Variants in SMOC2 observed in about 807,000 individuals in gnomAD.
SMOC2 encodes the protein SPARC-related modular calcium-binding protein 2.
Under a neutral mutation model 61.4 loss-of-function variants are expected in SMOC2, and 39 were observed. The observed-to-expected ratio is 0.64, with a 90% CI of 0.49 to 0.83. The LOEUF (loss-of-function observed/expected upper bound fraction) is 0.83. SMOC2 is among the 40% of genes least tolerant of loss of function. The pLI is 0.00. For synonymous variants in SMOC2, 247 were observed against 239.9 expected (o/e 1.03, Z -0.27); for missense variants, 556 against 592.9 (o/e 0.94, Z 0.65).
intron 8 of SMOC2, among the ~76,000 whole-genome samples, chr6:168,607,322 C>A (rs994178746): frequency 1.3e-5 from 2 of 152,136 alleles, no homozygotes; most frequent in African/African-American, 4.8e-5. Flanking sequence ...AGGATAAAAC[C>A]CAGGCAAAGC....
At chr6:168,601,580 GTATC>G (rs1343196818) in intron 8 of SMOC2, among the ~76,000 whole-genome samples, 2 of 152,176 alleles carry the variant, frequency 1.3e-5, no homozygotes, top group Non-Finnish European at 2.9e-5. Context: ...ATGTTTCTGC[GTATC>G]TTAGAGCTCT....
chr6:168,639,954 G>C (rs928373508), intron 9 of SMOC2, among the ~76,000 whole-genome samples: 1 of 152,084 alleles, frequency 6.6e-6, no homozygotes, highest in Non-Finnish European at 1.5e-5. Flanking sequence ...GAGGAGCTAC[G>C]GGTGTGGGCT....
chr6:168,607,678 T>C (rs760640406), intron 8 of SMOC2, among the ~76,000 whole-genome samples: 1 of 146,884 alleles, frequency 6.8e-6, no homozygotes, highest in Non-Finnish European at 1.5e-5. Flanking sequence ...ATCTAAATCC[T>C]GAAGTCCTTT....
intron 9 of SMOC2, among the ~76,000 whole-genome samples, chr6:168,641,867 T>C (rs1397242813): frequency 6.6e-6 from 1 of 152,202 alleles, no homozygotes; most frequent in African/African-American, 2.4e-5. Context: ...CAAAGCACTA[T>C]CTAAAGCCTA....
intron 7 of SMOC2, among the ~76,000 whole-genome samples, chr6:168,560,010 A>C (rs946106545): frequency 6.6e-6 from 1 of 152,250 alleles, no homozygotes. Context: ...TTCATTCCCC[A>C]GGAATGGTGT....
At chr6:168,588,313 A>G (rs1002934794) in intron 7 of SMOC2, among the ~76,000 whole-genome samples, 2 of 151,886 alleles carry the variant, frequency 1.3e-5, no homozygotes, top group Admixed American at 6.6e-5. Flanking sequence ...TAGTAGAGAC[A>G]GGGTTTCACC....
At chr6:168,568,118 C>G (rs1268276241) in intron 7 of SMOC2, among the ~76,000 whole-genome samples, 2 of 150,292 alleles carry the variant, frequency 1.3e-5, no homozygotes, top group African/African-American at 5.0e-5. Context: ...TTCAGATGAG[C>G]AGCTACAGGC....
At chr6:168,463,165 C>T (rs141179754) in intron 1 of SMOC2, among the ~76,000 whole-genome samples, 1 of 152,288 alleles carries the variant, frequency 6.6e-6, no homozygotes, top group East Asian at 1.9e-4. Context: ...TTCAAATGCA[C>T]TGAACAAAAT....
chr6:168,518,384 CATGTGT>C lies in SMOC2; in HGVS notation c.257-7961_257-7956del, dbSNP rs548291311. The stretch of plus-strand genomic sequence containing the variant: ...AATGTGTGTTCATGTGCATTGTGTG[CATGTGT>C]GATTGTGTATGCTTGTGTGTGAATG... On this transcript the variant is annotated intron_variant, in intron 2 of 12. Transcript: ENST00000356284. Among the ~76,000 whole-genome samples, 266 of 149,348 alleles carry C rather than the reference CATGTGT, an allele frequency of 1.8e-3. 2 individuals are homozygous for C. The highest frequency in any genetic ancestry group is 6.4e-3 in the African/African-American group (256 of 39,844).
At chr6:168,632,479 C>G (rs1786595092) in intron 9 of SMOC2, among the ~76,000 whole-genome samples, 1 of 152,194 alleles carries the variant, frequency 6.6e-6, no homozygotes, top group African/African-American at 2.4e-5. Flanking sequence ...ATCTAAGCAT[C>G]TGTTTTTTAC....
chr6:168,581,445 A>C (rs1784915513), intron 7 of SMOC2, among the ~76,000 whole-genome samples: 1 of 152,208 alleles, frequency 6.6e-6, no homozygotes, highest in Non-Finnish European at 1.5e-5. Context: ...AGGGACCTGC[A>C]GCCAAGCACC....
chr6:168,647,795 A>G (rs1787079928), intron 9 of SMOC2, among the ~76,000 whole-genome samples: 1 of 151,884 alleles, frequency 6.6e-6, no homozygotes, highest in African/African-American at 2.4e-5. Context: ...TTTTTTCTTC[A>G]GAAGTAGTTT....
intron 8 of SMOC2, 74 bp downstream of exon 8, chr6:168,599,078 C>A (rs567274370): frequency 7.4e-7 from 1 of 1,350,250 alleles, no homozygotes; most frequent in Admixed American, 2.2e-5. Flanking sequence ...AGCAGAACCC[C>A]CACTTCCCCC....
chr6:168,577,695 AG>A (rs1470609314), intron 7 of SMOC2, among the ~76,000 whole-genome samples: 1 of 152,138 alleles, frequency 6.6e-6, no homozygotes, highest in Non-Finnish European at 1.5e-5. Context: ...CATCTGCATG[AG>A]GGTCACGCAC....
intron 9 of SMOC2, among the ~76,000 whole-genome samples, chr6:168,613,086 C>T (rs1185318438): frequency 3.9e-5 from 6 of 152,134 alleles, no homozygotes; most frequent in African/African-American, 1.4e-4. Context: ...TTCCTCTGGG[C>T]GTTGCTTCAT....
intron 7 of SMOC2, among the ~76,000 whole-genome samples, chr6:168,571,184 G>A (rs550875852): frequency 3.3e-5 from 5 of 152,332 alleles, no homozygotes; most frequent in South Asian, 2.1e-4. Flanking sequence ...AATGGCAGTT[G>A]AATACATCTT....
chr6:168,441,429 C>T lies in SMOC2; in HGVS notation c.59C>T (p.Pro20Leu), dbSNP rs1283510395. 2 of 1,510,680 alleles carry T rather than the reference C, an allele frequency of 1.3e-6. No homozygotes were observed. Among genetic ancestry groups the T allele is most frequent in the Non-Finnish European group, 1.8e-6 (2 of 1,133,312 alleles). The allele number at this position is 1,510,680 out of a possible 1,614,324, so 93.6% of individuals were successfully genotyped here. ...PLLAGLLPPVPAQKFSALTFL... is the reference protein window; with the variant it reads ...PLLAGLLPPVLAQKFSALTFL... ...CTCGCTGGGCTGCTCCCGCCGGTGC[C>T]CGCTCAGAAGTTCTCGGCGCTCACG... is the stretch of plus-strand genomic sequence containing the variant. Residue 20 changes from proline to leucine, a missense_variant, in exon 1 of 13, where the codon CCC (proline) becomes CTC (leucine). By Grantham distance (98) the Pro-to-Leu change is moderately conservative. Coordinates refer to ENST00000356284, the MANE Select transcript of SMOC2 (RefSeq NM_001166412.2).
chr6:168,492,649 A>G (rs767274842), intron 1 of SMOC2, among the ~76,000 whole-genome samples: 1 of 152,220 alleles, frequency 6.6e-6, no homozygotes, highest in Non-Finnish European at 1.5e-5. Context: ...TCTCTAAATC[A>G]ACTTTTCTTT....
intron 1 of SMOC2, among the ~76,000 whole-genome samples, chr6:168,446,377 A>G (rs946182226): frequency 6.6e-6 from 1 of 152,208 alleles, no homozygotes; most frequent in African/African-American, 2.4e-5. Context: ...ACAAACAAAA[A>G]CAAAAGATAA....
Sources: allele counts gnomAD v4.1 joint callset (sites outside exome capture counted in the v4.1 genomes callset), GRCh38; gene constraint gnomAD v4.1.1; transcripts MANE v1.5; gene names NCBI Gene and HGNC (gene_info 2026-07-23, HGNC 2026-07-21).